The following DGKI variants were observed in gnomAD, a reference collection of about 807,000 sequenced individuals.
DGKI encodes the protein DAG kinase iota.
In DGKI, 55 loss-of-function variants were observed where a neutral mutation model predicts 147.5. The observed-to-expected ratio is 0.37, with a 90% CI of 0.30 to 0.47. The LOEUF is 0.47. DGKI is among the 20% of genes least tolerant of loss of function. The pLI is 1.00. For synonymous variants in DGKI, 469 were observed against 477.1 expected (o/e 0.98, Z 0.22); for missense variants, 1,007 against 1,323.8 (o/e 0.76, Z 3.71).
At chr7:137,395,823 A>C (rs1811529486) in intron 31 of DGKI, 126 bp from the exon 32 acceptor site, 3 of 760,180 alleles carry the variant, frequency 3.9e-6, no homozygotes, top group Non-Finnish European at 6.4e-6. Flanking sequence ...CTTTGGCTGT[A>C]GGGTACATTC....
intron 1 of DGKI, among the ~76,000 whole-genome samples, chr7:137,698,240 A>G (rs1355248262): frequency 6.6e-6 from 1 of 152,080 alleles, no homozygotes; most frequent in Non-Finnish European, 1.5e-5. Flanking sequence ...CTTCAAAGCA[A>G]TAATAATAAT....
At chr7:137,598,954 CAA>C (rs1819891194) in intron 11 of DGKI, among the ~76,000 whole-genome samples, 1 of 152,048 alleles carries the variant, frequency 6.6e-6, no homozygotes. Flanking sequence ...AAGAAAATAA[CAA>C]ATTAATTTTC....
At chr7:137,592,608 T>C (rs1472667911) in intron 12 of DGKI, among the ~76,000 whole-genome samples, 3 of 152,224 alleles carry the variant, frequency 2.0e-5, no homozygotes, top group African/African-American at 7.2e-5. Flanking sequence ...AGAGAACAGA[T>C]GCACGTTGCG....
In DGKI at chr7:137,391,344, A is replaced by G. The variant is rs771499217; in HGVS notation, c.3058-8T>C. The G allele has an allele frequency of 6.6e-6, 10 of 1,524,336 alleles. No homozygotes were observed. Among genetic ancestry groups the G allele is most frequent in the Non-Finnish European group, 8.8e-6 (10 of 1,135,462 alleles). 94.4% of individuals were successfully genotyped at this position (1,524,336 alleles called of 1,614,324 possible). ...TTCTTGAGGTGTCTTACCCTATACG[A>G]AAATAGTGAGAAAAAAAAAAAGAGA... On this transcript the variant is annotated splice_polypyrimidine_tract_variant and splice_region_variant and intron_variant, in intron 32 of 32. Coordinates refer to ENST00000614521, the MANE Select transcript of DGKI (RefSeq NM_001321708.2).
At chr7:137,549,682 G>C (rs995391427) in intron 20 of DGKI, among the ~76,000 whole-genome samples, 1 of 152,204 alleles carries the variant, frequency 6.6e-6, no homozygotes, top group African/African-American at 2.4e-5. Context: ...GCAGACAAAG[G>C]CTTGAAGGAC....
At chr7:137,506,446 G>C (rs899526378) in intron 21 of DGKI, among the ~76,000 whole-genome samples, 6 of 152,156 alleles carry the variant, frequency 3.9e-5, no homozygotes, top group African/African-American at 7.2e-5. Flanking sequence ...CCAAGGGCTT[G>C]GGAGAGGAAG....
At chr7:137,834,749 T>C (rs1004886712) in intron 1 of DGKI, among the ~76,000 whole-genome samples, 3 of 152,220 alleles carry the variant, frequency 2.0e-5, no homozygotes, top group African/African-American at 7.2e-5. Context: ...CACATAAGTT[T>C]CACAATAGTT....
At chr7:137,484,254 G>A (rs1009430438) in intron 23 of DGKI, among the ~76,000 whole-genome samples, 2 of 152,054 alleles carry the variant, frequency 1.3e-5, no homozygotes, top group Non-Finnish European at 2.9e-5. Flanking sequence ...ATACCTAGAA[G>A]GCTACAAGAT....
chr7:137,676,145 C>T (rs1213990424), intron 3 of DGKI, among the ~76,000 whole-genome samples: 4 of 152,156 alleles, frequency 2.6e-5, no homozygotes, highest in Non-Finnish European at 5.9e-5. Context: ...GTACACACTG[C>T]CAATTTTGTG....
At chr7:137,626,667 T>C (rs189487182) in intron 6 of DGKI, among the ~76,000 whole-genome samples, 11 of 152,110 alleles carry the variant, frequency 7.2e-5, no homozygotes, top group Non-Finnish European at 1.5e-4. Context: ...CAGCGACACC[T>C]TGTGGCTACT....
At chr7:137,586,510 T>G (rs1380745198) in intron 13 of DGKI, among the ~76,000 whole-genome samples, 1 of 152,164 alleles carries the variant, frequency 6.6e-6, no homozygotes, top group Non-Finnish European at 1.5e-5. Flanking sequence ...ATATTGCGCC[T>G]TCTTACTATC....
At chr7:137,610,987 T>G (rs1260021601) in intron 8 of DGKI, among the ~76,000 whole-genome samples, 2 of 152,216 alleles carry the variant, frequency 1.3e-5, no homozygotes, top group African/African-American at 2.4e-5. Context: ...GAGGAGCTCA[T>G]GGGTGCTCTA....
At chr7:137,554,806 A>G (rs141546191) in intron 19 of DGKI, among the ~76,000 whole-genome samples, 3 of 152,212 alleles carry the variant, frequency 2.0e-5, no homozygotes, top group East Asian at 1.9e-4. Context: ...AATCTGTGAC[A>G]TGGAGATCAA....
chr7:137,587,202 C>A lies in DGKI; in HGVS notation c.1320G>T (p.Trp440Cys). The A allele has an allele frequency of 6.2e-7, 1 of 1,610,646 alleles. No individual in the cohort carries two copies. Among genetic ancestry groups the A allele is most frequent in the South Asian group, 1.1e-5 (1 of 90,534 alleles). The change falls in exon 13 of 33, where the codon TGG becomes TGT. Residue 440 changes from tryptophan (W) to cysteine (C), a missense_variant. By Grantham distance (215) the Trp-to-Cys change is radical. Around this residue, in one of 5 missense-constraint regions of DGKI, gnomAD observed 224 missense variants for 382.7 expected, o/e 0.59. Coordinates refer to ENST00000614521, the MANE Select transcript of DGKI (RefSeq NM_001321708.2). ...GCAGTTCATCCAGGATGGAAAGGAT[C>A]CAGCCCACCTACAGGCGTATCGGGG... is the stretch of plus-strand genomic sequence containing the variant. ...LACGGDGTVG[W>C]ILSILDELQL...
At chr7:137,552,862 C>T (rs1363587216) in intron 19 of DGKI, among the ~76,000 whole-genome samples, 3 of 152,090 alleles carry the variant, frequency 2.0e-5, no homozygotes, top group Admixed American at 1.3e-4. Flanking sequence ...TTGCAGTGAG[C>T]CGAGGTCAAG....
chr7:137,523,065 AAAAG>A lies in DGKI; in HGVS notation c.2148-1103_2148-1100del, dbSNP rs548189185. Reference sequence around the variant, plus strand: ...AAAGAAGGAAACAGAAATAAAGAAAAAAAGAAAGAGAAAGACGGAGGGAGAGAGG... The same window carrying A: ...AAAGAAGGAAACAGAAATAAAGAAAAAAAGAGAAAGACGGAGGGAGAGAGG... On this transcript the variant is annotated intron_variant, in intron 20 of 32. Transcript: ENST00000614521. Among the ~76,000 whole-genome samples the A allele has an allele frequency of 2.0e-5, 3 of 152,236 alleles. No individual in the cohort carries two copies. The South Asian group carries it at 6.2e-4, about 32-fold the overall frequency.
At chr7:137,564,765 C>T (rs2128972837) in intron 19 of DGKI, among the ~76,000 whole-genome samples, 1 of 152,290 alleles carries the variant, frequency 6.6e-6, no homozygotes, top group South Asian at 2.1e-4. Flanking sequence ...TCATTTATGT[C>T]TGTATCCATT....
At chr7:137,631,659 A>G (rs1254645836) in intron 6 of DGKI, among the ~76,000 whole-genome samples, 1 of 152,216 alleles carries the variant, frequency 6.6e-6, no homozygotes, top group Non-Finnish European at 1.5e-5. Context: ...GCACTAATCT[A>G]TACTAGAGGA....
At chr7:137,507,390 G>C (rs1816403445) in intron 21 of DGKI, among the ~76,000 whole-genome samples, 1 of 152,082 alleles carries the variant, frequency 6.6e-6, no homozygotes, top group Non-Finnish European at 1.5e-5. Flanking sequence ...GAAACTAACA[G>C]GTTCTCTAGA....
Sources: gnomAD v4.1 joint callset for allele counts (sites outside exome capture counted in the v4.1 genomes callset) on GRCh38, gnomAD v4.1.1 for gene constraint, gnomAD v4.1.1 regional missense constraint, MANE v1.5 for transcripts, NCBI Gene and HGNC (gene_info 2026-07-23, HGNC 2026-07-21) for gene names.